Variants in RNF216 observed in about 807,000 individuals in gnomAD.
RNF216 encodes the protein E3 ubiquitin-protein ligase RNF216.
RNF216 carries 72 observed loss-of-function variants against 110.8 expected under a neutral mutation model. That is an observed-to-expected ratio of 0.65 (90% CI 0.54 to 0.79). The LOEUF is 0.79. Among genes scored for constraint, RNF216 ranks in the 30% least tolerant of loss-of-function variants. The pLI is 0.00. For synonymous variants in RNF216, 495 were observed against 407.5 expected, an observed-to-expected ratio of 1.21 and a Z score of -2.59; for missense variants, 1,342 against 1,141.2, an observed-to-expected ratio of 1.18 and a Z score of -2.54.
intron 9 of RNF216, among the ~76,000 whole-genome samples, chr7:5,719,019 C>G (rs1013159645): frequency 3.3e-5 from 5 of 150,102 alleles, no homozygotes; most frequent in Non-Finnish European, 7.4e-5. Flanking sequence ...TTTCAAGTGA[C>G]TTTAAAATAT....
intron 13 of RNF216, among the ~76,000 whole-genome samples, chr7:5,709,235 C>T (rs1792502156): frequency 6.6e-6 from 1 of 152,210 alleles, no homozygotes; most frequent in Non-Finnish European, 1.5e-5. Flanking sequence ...CTTGAGCAGC[C>T]TCCTGAAAGG....
At chr7:5,651,694 G>T (rs1206577542) in intron 14 of RNF216, among the ~76,000 whole-genome samples, 1 of 151,886 alleles carries the variant, frequency 6.6e-6, no homozygotes, top group African/African-American at 2.4e-5. Context: ...CTGTTGGCAG[G>T]CTGGAGTGCA....
At chr7:5,672,806 GTAGAGCAC>G (rs1256362091) in intron 13 of RNF216, among the ~76,000 whole-genome samples, 2 of 152,140 alleles carry the variant, frequency 1.3e-5, no homozygotes, top group Non-Finnish European at 1.5e-5. Flanking sequence ...ATAGGATGCT[GTAGAGCAC>G]TGGGAGGCGA....
chr7:5,657,598 G>A (rs1359540849), intron 13 of RNF216, among the ~76,000 whole-genome samples: 1 of 151,872 alleles, frequency 6.6e-6, no homozygotes, highest in Non-Finnish European at 1.5e-5. Flanking sequence ...AAAATGGTGA[G>A]ACTATAAATC....
intron 1 of RNF216, among the ~76,000 whole-genome samples, chr7:5,775,467 C>A (rs778852351): frequency 1.3e-4 from 20 of 152,112 alleles, no homozygotes; most frequent in Non-Finnish European, 2.9e-4. Flanking sequence ...GTGCCCCTGG[C>A]TCTCCAGAAT....
chr7:5,632,371 C>T (rs539295809), intron 15 of RNF216, among the ~76,000 whole-genome samples: 7 of 152,316 alleles, frequency 4.6e-5, no homozygotes, highest in African/African-American at 1.7e-4. Flanking sequence ...TCCTTCTGGC[C>T]CCTCCTAATC....
chr7:5,739,325 C>T lies in RNF216; in HGVS notation c.1072G>A (p.Gly358Arg). 6.2e-7 allele frequency: 1 copy of T among 1,600,358 alleles called. No individual in the cohort carries two copies. Among genetic ancestry groups the T allele is most frequent in the Non-Finnish European group, 8.5e-7 (1 of 1,175,592 alleles). The change falls in exon 5 of 17, where the codon GGG becomes AGG. Residue 358 changes from glycine to arginine, a missense_variant. By Grantham distance (125) the Gly-to-Arg change is moderately radical. Transcript: ENST00000389902. ...AAATGAATTATTTCCTCAATAAACCCATTTGCTACATCTGGAAATCTTGCT... is the reference window on the plus strand; with the variant it reads ...AAATGAATTATTTCCTCAATAAACCTATTTGCTACATCTGGAAATCTTGCT... ...TEARFPDVAN[G>R]FIEEIIHFKN...
chr7:5,747,746 CAAA>C (rs1207043505), intron 3 of RNF216, among the ~76,000 whole-genome samples: 24 of 6,996 alleles, frequency 3.4e-3, no homozygotes, highest in East Asian at 5.2e-3. Context: ...GACTCCATCT[CAAA>C]AAAAAAAAAA....
At chr7:5,739,744 T>C (rs10233615) in intron 4 of RNF216, 353,100 of 405,880 alleles carry the variant, frequency 0.87, 156,226 homozygotes, top group Middle Eastern at 0.93. Flanking sequence ...CTCATGCCTA[T>C]AATCGAAGCA....
At chr7:5,770,997 A>G (rs1022009241) in intron 1 of RNF216, among the ~76,000 whole-genome samples, 3 of 152,088 alleles carry the variant, frequency 2.0e-5, no homozygotes, top group Non-Finnish European at 2.9e-5. Context: ...TAGTAGAGAC[A>G]GGGTTTCACC....
intron 14 of RNF216, among the ~76,000 whole-genome samples, chr7:5,650,720 C>G (rs534255653): frequency 6.6e-6 from 1 of 152,322 alleles, no homozygotes; most frequent in African/African-American, 2.4e-5. Context: ...TCGTCCCACA[C>G]TAAGGACTTT....
Position 5,741,538 on chromosome 7 carries a change from G to T in RNF216, c.479C>A (p.Pro160Gln), listed in dbSNP as rs753981927. ...GTCATTTGCTGCTTGGTTATGACTCGGTCCAGGCTTGGGTTCTCTTTCTGT... is the reference window on the plus strand; with the variant it reads ...GTCATTTGCTGCTTGGTTATGACTCTGTCCAGGCTTGGGTTCTCTTTCTGT... ...GQTEREPKPG[P>Q]SHNQAANDIV... The change falls in exon 4 of 17, where the codon CCG (proline) becomes CAG (glutamine). Residue 160 changes from proline (P) to glutamine (Q), a missense_variant. Transcript: ENST00000389902. 42 of 1,613,974 alleles carry T rather than the reference G, an allele frequency of 2.6e-5. No individual in the cohort carries two copies. In the South Asian group the frequency reaches 4.5e-4, roughly 17 times the overall value.
At chr7:5,760,916 C>T in intron 2 of RNF216, 87 bp downstream of exon 2, 1 of 1,063,780 alleles carries the variant, frequency 9.4e-7, no homozygotes, top group Non-Finnish European at 1.4e-6. Context: ...CTAAATGGTA[C>T]AAAATAGGTT....
chr7:5,641,173 G>C lies in RNF216; in HGVS notation c.2363C>G (p.Ser788Cys), dbSNP rs1022820637. Residue 788 changes from serine (S) to cysteine (C), a missense_variant, in exon 15 of 17, where the codon TCT becomes TGT. Physicochemically the swap from Ser to Cys is moderately radical, Grantham distance 112 (BLOSUM62 -1). Coordinates refer to ENST00000389902, the MANE Select transcript of RNF216 (RefSeq NM_207111.4). ...ACTTACAGTGGGATCGGTCCAGAGA[G>C]AGCATCTTGAACACTCCTGGCAAGG... Reference protein sequence around the residue: ...GAPCQECSRCSLWTDPTEDDE... With the variant: ...GAPCQECSRCCLWTDPTEDDE... The C allele has an allele frequency of 2.5e-6, 4 of 1,613,878 alleles. No homozygotes were observed. Among genetic ancestry groups the C allele is most frequent in the South Asian group, 1.1e-5 (1 of 91,080 alleles).
At chr7:5,688,948 G>T (rs1165274187) in intron 13 of RNF216, among the ~76,000 whole-genome samples, 1 of 152,154 alleles carries the variant, frequency 6.6e-6, no homozygotes, top group Non-Finnish European at 1.5e-5. Flanking sequence ...AGAGAAGCGG[G>T]AAAAATATTC....
At chr7:5,667,454 T>C (rs1789602984) in intron 13 of RNF216, among the ~76,000 whole-genome samples, 1 of 152,204 alleles carries the variant, frequency 6.6e-6, no homozygotes, top group African/African-American at 2.4e-5. Context: ...GCCCCATCTC[T>C]AGTTACCCTG....
chr7:5,727,136 T>C (rs1311289995), intron 7 of RNF216, among the ~76,000 whole-genome samples: 1 of 152,192 alleles, frequency 6.6e-6, no homozygotes, highest in Non-Finnish European at 1.5e-5. Context: ...GTGGCTATGA[T>C]GCAGTGTTTG....
At chr7:5,716,439 T>C (rs1793069366) in intron 10 of RNF216, among the ~76,000 whole-genome samples, 1 of 152,148 alleles carries the variant, frequency 6.6e-6, no homozygotes, top group South Asian at 2.1e-4. Context: ...TAAAGTGATA[T>C]CTAAGTTGTA....
chr7:5,776,791 C>T (rs1796803049), intron 1 of RNF216, among the ~76,000 whole-genome samples: 2 of 149,622 alleles, frequency 1.3e-5, no homozygotes, highest in Non-Finnish European at 3.0e-5. Flanking sequence ...ATCCCTGTTA[C>T]TCTGGAGGCT....
Sources: gnomAD v4.1 joint callset for allele counts (sites outside exome capture counted in the v4.1 genomes callset) on GRCh38, gnomAD v4.1.1 for gene constraint, MANE v1.5 for transcripts, NCBI Gene and HGNC (gene_info 2026-07-23, HGNC 2026-07-21) for gene names.